Variants in SMG9 observed in about 807,000 individuals in gnomAD.
The protein encoded by SMG9 is nonsense-mediated mRNA decay factor SMG9.
A neutral mutation model predicts 64.0 loss-of-function variants in SMG9; 55 were observed. The observed-to-expected ratio is 0.86, with a 90% CI of 0.69 to 1.08. The LOEUF is 1.08. Among genes scored for constraint, SMG9 ranks in the 50% least tolerant of loss-of-function variants. SMG9 has a pLI of 0.00. For missense variants in SMG9, 554 were observed against 681.3 expected, an observed-to-expected ratio of 0.81 and a Z score of 2.08; for synonymous variants, 244 against 254.8, an observed-to-expected ratio of 0.96 and a Z score of 0.41.
chr19:43,734,928 G>C (rs1298371412), intron 9 of SMG9: 1 of 157,856 alleles, frequency 6.3e-6, no homozygotes, highest in Non-Finnish European at 1.4e-5. Context: ...GATCACTCTT[G>C]GTGCTGTACG....
rs1969086889 is a variant in SMG9 at position 43,748,168 on chromosome 19, G to A, written c.151-116C>T. The A allele has an allele frequency of 4.1e-6, 5 of 1,225,182 alleles. No homozygotes were observed. In the African/African-American group the frequency reaches 4.6e-5, roughly 11 times the overall value. The allele number at this position is 1,225,182 out of a possible 1,614,324, so 75.9% of individuals were successfully genotyped here. A position where few individuals can be genotyped will look rare whatever the true frequency, so the allele number is the denominator to read the frequency against. On this transcript the variant is annotated intron_variant, in intron 2 of 13. Transcript: ENST00000270066. ...ATTAACTACCTTGATCCTACCAACA[G>A]CCCTGTGAGATAGATACTATTATTA... is the stretch of plus-strand genomic sequence containing the variant.
chr19:43,729,675 CAG>C lies in SMG9; in HGVS notation c.*1919_*1920del, dbSNP rs1198299022. The stretch of plus-strand genomic sequence containing the variant: ...CCAGCAGGAAGACCCCCTGGGGAAG[CAG>C]GGGTGGGGATGAGACTTGGGGCAGA... On this transcript the variant is annotated 3_prime_UTR_variant, in exon 14 of 14. Transcript: ENST00000270066. The C allele has an allele frequency of 6.6e-6, 1 of 152,402 alleles. No individual in the cohort carries two copies. Among genetic ancestry groups the C allele is most frequent in the Non-Finnish European group, 1.5e-5 (1 of 68,260 alleles). 9.4% of individuals were successfully genotyped at this position (152,402 alleles called of 1,614,324 possible).
In SMG9 at chr19:43,752,173, C is replaced by T. The variant is rs185242126; in HGVS notation, c.-6-1426G>A. Reference sequence around the variant, plus strand: ...TTCAGTGTCTGTCTGTCTTCCGTTCCTGACGGTCTGCCTTCCCTCACAGTG... The same window carrying T: ...TTCAGTGTCTGTCTGTCTTCCGTTCTTGACGGTCTGCCTTCCCTCACAGTG... On this transcript the variant is annotated intron_variant, in intron 1 of 13. Coordinates refer to ENST00000270066, the MANE Select transcript of SMG9 (RefSeq NM_019108.4). 4.6e-5 allele frequency among the ~76,000 whole-genome samples: 7 copies of T among 152,356 alleles called. No individual in the cohort carries two copies. The East Asian group carries it at 1.3e-3, about 29-fold the overall frequency.
rs346532 is a variant in SMG9 at position 43,744,726 on chromosome 19, A to G, written c.701+46T>C. ...CCAAGCCCACCTTGCCCCTGCTCCC[A>G]GTGGGTGCCCACCTCCCTCCTGCAC... On this transcript the variant is annotated intron_variant, in intron 6 of 13. Transcript: ENST00000270066. 0.26 allele frequency: 373,866 copies of G among 1,465,186 alleles called. 51,896 individuals are homozygous for G. The highest frequency in any genetic ancestry group is 0.54 in the African/African-American group (38,206 of 70,780). 90.8% of individuals were successfully genotyped at this position (1,465,186 alleles called of 1,614,324 possible).
chr19:43,737,629 G>C lies in SMG9; in HGVS notation c.963C>G (p.Val321=), dbSNP rs1039928714. 8 of 1,613,988 alleles carry C rather than the reference G, an allele frequency of 5.0e-6. No homozygotes were observed. The highest frequency in any genetic ancestry group is 6.8e-6 in the Non-Finnish European group (8 of 1,179,962). The change falls in exon 9 of 14, where the codon GTC becomes GTG. Residue 321 remains valine (V), a synonymous_variant. Transcript: ENST00000270066. ...LFTVCHVVIV[V]QDWFTDLSLY... ...GACTGAGGTCTGTGAACCAGTCCTG[G>C]ACAACAATCACCACATGGCAGACCG...
chr19:43,739,145 G>C (rs1302530584), intron 7 of SMG9, among the ~76,000 whole-genome samples: 1 of 152,252 alleles, frequency 6.6e-6, no homozygotes, highest in Non-Finnish European at 1.5e-5. Context: ...GGCAACAGTG[G>C]AAGGGGAGGG....
Position 43,737,663 on chromosome 19 carries a change from A to C in SMG9, c.929T>G (p.Phe310Cys), listed in dbSNP as rs749756573. The C allele has an allele frequency of 1.2e-5, 19 of 1,613,836 alleles. No individual in the cohort carries two copies. Among genetic ancestry groups the C allele is most frequent in the East Asian group, 2.2e-5 (1 of 44,882 alleles). The change falls in exon 9 of 14, where the codon TTC becomes TGC. Residue 310 changes from phenylalanine to cysteine, a missense_variant. Phe to Cys is a radical substitution (Grantham distance 205). Transcript: ENST00000270066. ...VEMQSLQIAA[F>C]LFTVCHVVIV... ...CACCACATGGCAGACCGTGAAAAGG[A>C]AGGCAGCAATCTGGAGTGACTGAGG...
chr19:43,742,506 A>G (rs1038083589), intron 6 of SMG9, among the ~76,000 whole-genome samples: 4 of 152,204 alleles, frequency 2.6e-5, no homozygotes, highest in Admixed American at 6.5e-5. Flanking sequence ...ACCCTTTTCC[A>G]TTGTGTTATA....
intron 2 of SMG9, among the ~76,000 whole-genome samples, chr19:43,749,551 AAG>A (rs1490130303): frequency 1.3e-5 from 2 of 152,218 alleles, no homozygotes; most frequent in Non-Finnish European, 2.9e-5. Flanking sequence ...ACTGTGGCCC[AAG>A]AGAAGGAGCA....
intron 9 of SMG9, among the ~76,000 whole-genome samples, chr19:43,735,005 C>T (rs968963750): frequency 3.6e-4 from 55 of 152,210 alleles, no homozygotes; most frequent in African/African-American, 1.3e-3. Context: ...AGTAGTTTCA[C>T]TGCCCTAAAA....
In SMG9 at chr19:43,738,237, A is replaced by G. The variant is rs1968737336; in HGVS notation, c.814-20T>C. 1 of 1,608,846 alleles carries G rather than the reference A, an allele frequency of 6.2e-7. No individual in the cohort carries two copies. The highest frequency in any genetic ancestry group is 1.7e-5 in the Admixed American group (1 of 59,992). On this transcript the variant is annotated intron_variant, in intron 7 of 13. Coordinates refer to ENST00000270066, the MANE Select transcript of SMG9 (RefSeq NM_019108.4). ...GATGGGCTGCAGCAAGGAAGAGAACAGAGTGTCACTCAGATACCCAAGTTT... is the reference window on the plus strand; with the variant it reads ...GATGGGCTGCAGCAAGGAAGAGAACGGAGTGTCACTCAGATACCCAAGTTT...
chr19:43,742,351 T>C (rs955046362), intron 6 of SMG9, among the ~76,000 whole-genome samples: 8 of 151,996 alleles, frequency 5.3e-5, no homozygotes, highest in African/African-American at 1.9e-4. Flanking sequence ...GGTGGGAGGA[T>C]GGCTTGGGCC....
chr19:43,733,302 A>C (rs746901061), intron 12 of SMG9, 22 bp downstream of exon 12: 1 of 1,612,558 alleles, frequency 6.2e-7, no homozygotes, highest in Non-Finnish European at 8.5e-7. Context: ...TCTCTCCATG[A>C]ACCTGTTGAG....
At chr19:43,737,916 G>A in intron 8 of SMG9, 1 of 651,830 alleles carries the variant, frequency 1.5e-6, no homozygotes, top group Non-Finnish European at 2.7e-6. Flanking sequence ...AGGGGAGGGG[G>A]TGGGAAATGA....
chr19:43,734,206 A>G, intron 10 of SMG9, 183 bp downstream of exon 10: 1 of 597,536 alleles, frequency 1.7e-6, no homozygotes, highest in South Asian at 2.0e-5. Context: ...GGATTGGACC[A>G]GGGCAGTGGG....
In SMG9 at chr19:43,747,700, T is replaced by C. The variant is rs1969060860; in HGVS notation, c.423A>G (p.Arg141=). The C allele has an allele frequency of 1.2e-6, 2 of 1,610,522 alleles. No homozygotes were observed. Among genetic ancestry groups the C allele is most frequent in the Admixed American group, 3.4e-5 (2 of 59,550 alleles). Reference sequence around the variant, plus strand: ...GGATCTGGTACACAGGCTGTGTGGGTCTCTGCCCCTCCTTCTCCCCCTTGG... The same window carrying C: ...GGATCTGGTACACAGGCTGTGTGGGCCTCTGCCCCTCCTTCTCCCCCTTGG... The part of the protein sequence containing the change: ...APPKGEKEGQ[R]PTQPVYQIQN... The change falls in exon 4 of 14, where the codon AGA becomes AGG. Residue 141 remains arginine, a synonymous_variant. Transcript: ENST00000270066.
At position 43,751,815 on chromosome 19, in the gene SMG9, TC is replaced by T. The variant is rs576813836; in HGVS notation, c.-6-1069del. Among the ~76,000 whole-genome samples, 221 of 152,352 alleles carry T rather than the reference TC, an allele frequency of 1.5e-3. 1 individual carries two copies. The highest frequency in any genetic ancestry group is 2.5e-3 in the Non-Finnish European group (172 of 68,038). On this transcript the variant is annotated intron_variant, in intron 1 of 13. Coordinates refer to ENST00000270066, the MANE Select transcript of SMG9 (RefSeq NM_019108.4). ...AAAACAAGACACAAGGTTGGGGGGT[TC>T]CACGTTAACCTTGAATTGCCTACTT...
At chr19:43,738,095 G>T (rs1260709928) in intron 8 of SMG9, 27 bp downstream of exon 8, 3 of 1,603,928 alleles carry the variant, frequency 1.9e-6, no homozygotes, top group Non-Finnish European at 2.6e-6. Context: ...TAAAACCTCA[G>T]TCCTGGGCCT....
chr19:43,750,123 A>G (rs1969149573), intron 2 of SMG9: 1 of 520,504 alleles, frequency 1.9e-6, no homozygotes, highest in Admixed American at 1.9e-5. Flanking sequence ...AAACTCTCCA[A>G]TGCCAATTTC....
Sources: allele counts gnomAD v4.1 joint callset (sites outside exome capture counted in the v4.1 genomes callset), GRCh38; gene constraint gnomAD v4.1.1; transcripts MANE v1.5; gene names NCBI Gene and HGNC (gene_info 2026-07-23, HGNC 2026-07-21).